VPS13B: variants seen among roughly 807,000 people sequenced by gnomAD.
VPS13B encodes the protein vacuolar protein sorting 13 homolog B.
In VPS13B, 285 loss-of-function variants were observed where a neutral mutation model predicts 426.4. The observed-to-expected ratio is 0.67, with a 90% confidence interval of 0.61 to 0.74. The LOEUF (loss-of-function observed/expected upper bound fraction) is 0.74, where lower values mean the gene tolerates loss of function less well. Among genes scored for constraint, VPS13B ranks in the 30% least tolerant of loss-of-function variants. The pLI, the probability that VPS13B is intolerant of heterozygous loss-of-function variation, is 0.00. For synonymous variants in VPS13B, 1,676 were observed against 1,676.4 expected, an observed-to-expected ratio of 1.00 and a Z score of 0.01; for missense variants, 4,537 against 4,782.6, an observed-to-expected ratio of 0.95 and a Z score of 1.51.
chr8:99,426,823 A>G (rs1459711379), intron 21 of VPS13B, among the ~76,000 whole-genome samples: 2 of 85,306 alleles, frequency 2.3e-5, no homozygotes, highest in Non-Finnish European at 4.3e-5. Context: ...GCCCTTTGTC[A>G]GATGAGTAGG....
chr8:99,565,846 C>T (rs1825150981), intron 31 of VPS13B, among the ~76,000 whole-genome samples: 1 of 152,142 alleles, frequency 6.6e-6, no homozygotes, highest in Non-Finnish European at 1.5e-5. Flanking sequence ...CACAGTGGCT[C>T]ATGCTGGGCA....
chr8:99,467,569 C>G lies in VPS13B; in HGVS notation c.3601C>G (p.His1201Asp), dbSNP rs775498032. Residue 1201 changes from histidine (H) to aspartate (D), a missense_variant, in exon 24 of 62, where the codon CAT (histidine) becomes GAT (aspartate). Coordinates refer to ENST00000357162, the MANE Select transcript of VPS13B (RefSeq NM_152564.5). ...GCTTGCTACGGGACCTGATACACGA[C>G]ATTCATTTGTTGTCTGTCTCCATGT... ...KLLATGPDTR[H>D]SFVVCLHVDL... is the part of the protein sequence containing the mutation. 1 of 1,613,816 alleles carries G rather than the reference C, an allele frequency of 6.2e-7. No homozygotes were observed. The highest frequency in any genetic ancestry group is 2.2e-5 in the East Asian group (1 of 44,872).
chr8:99,816,083 C>T (rs1263436297), intron 44 of VPS13B, among the ~76,000 whole-genome samples: 1 of 151,714 alleles, frequency 6.6e-6, no homozygotes, highest in African/African-American at 2.4e-5. Flanking sequence ...ACCAGGCCCC[C>T]CATTTGTTTT....
At chr8:99,505,525 G>A (rs953402066) in intron 27 of VPS13B, among the ~76,000 whole-genome samples, 1 of 152,096 alleles carries the variant, frequency 6.6e-6, no homozygotes, top group Non-Finnish European at 1.5e-5. Context: ...GGGGTCAGTG[G>A]AGCAATCAGA....
chr8:99,533,423 T>G (rs1182673669), intron 30 of VPS13B, among the ~76,000 whole-genome samples: 3 of 152,196 alleles, frequency 2.0e-5, no homozygotes, highest in Non-Finnish European at 4.4e-5. Context: ...CCAAATTCAT[T>G]TCTCTTGTTA....
At chr8:99,193,887 A>AT (rs1813745162) in intron 17 of VPS13B, among the ~76,000 whole-genome samples, 1 of 152,172 alleles carries the variant, frequency 6.6e-6, no homozygotes, top group South Asian at 2.1e-4. Context: ...CAAATTTCAG[A>AT]TTTTTTTCAG....
rs1200900461 is a variant in VPS13B, at chr8:99,661,390, G to T, written c.5945G>T (p.Cys1982Phe). The change falls in exon 35 of 62, where the codon TGC becomes TTC. Residue 1982 changes from cysteine (C) to phenylalanine (F), a missense_variant. Coordinates refer to ENST00000357162, the MANE Select transcript of VPS13B (RefSeq NM_152564.5). ...GKTLPEALDYCTVWLQTVPGE... is the reference protein window; with the variant it reads ...GKTLPEALDYFTVWLQTVPGE... ...ACTCTGCCTGAAGCCCTTGATTATTGCACTGTTTGGCTACAGACAGTGCCT... is the reference window on the plus strand; with the variant it reads ...ACTCTGCCTGAAGCCCTTGATTATTTCACTGTTTGGCTACAGACAGTGCCT... 1 of 1,613,666 alleles carries T rather than the reference G, an allele frequency of 6.2e-7. No homozygotes were observed. The highest frequency in any genetic ancestry group is 1.1e-5 in the South Asian group (1 of 91,078).
rs188955410 is a variant in VPS13B at position 99,018,283 on chromosome 8, C to T, written c.147+4348C>T. ...CGCCTGTAATCCCAGCTACTTGGGA[C>T]GCTGGGGCACAAGAATCACTTGAAC... On this transcript the variant is annotated intron_variant, in intron 2 of 61. Coordinates refer to ENST00000357162, the MANE Select transcript of VPS13B (RefSeq NM_152564.5). 6.4e-3 allele frequency among the ~76,000 whole-genome samples: 971 copies of T among 152,170 alleles called. 8 individuals are homozygous for T. The highest frequency in any genetic ancestry group is 0.022 in the African/African-American group (911 of 41,512).
chr8:99,520,737 A>G (rs1822340812), intron 29 of VPS13B, among the ~76,000 whole-genome samples, 162 bp from the exon 30 acceptor site: 1 of 152,134 alleles, frequency 6.6e-6, no homozygotes, highest in African/African-American at 2.4e-5. Context: ...GAAAAGCATC[A>G]AAGATTTTTA....
rs778258305 is a variant in VPS13B, at chr8:99,134,645, A to C, written c.1220A>C (p.Gln407Pro). ...ATVTFKLTEM[Q>P]VESSYYSPQK... ...TATATTTCTTAGCTCACAGAAATGC[A>C]AGTTGAGAGTAGTTATTACAGTCCA... is the stretch of plus-strand genomic sequence containing the variant. Residue 407 changes from glutamine to proline, a missense_variant, in exon 9 of 62, where the codon CAA becomes CCA. Physicochemically the swap from Gln to Pro is moderately conservative, Grantham distance 76 (BLOSUM62 -1). Around this residue, in one of 2 missense-constraint regions of VPS13B, gnomAD observed 4,311 missense variants for 4,474.3 expected, o/e 0.96. Coordinates refer to ENST00000357162, the MANE Select transcript of VPS13B (RefSeq NM_152564.5). 1 of 1,606,530 alleles carries C rather than the reference A, an allele frequency of 6.2e-7. No homozygotes were observed. Among genetic ancestry groups the C allele is most frequent in the Non-Finnish European group, 8.5e-7 (1 of 1,176,014 alleles).
chr8:99,496,759 A>G (rs956141835), intron 25 of VPS13B, among the ~76,000 whole-genome samples: 1 of 152,176 alleles, frequency 6.6e-6, no homozygotes, highest in Non-Finnish European at 1.5e-5. Context: ...CTTACAGGAT[A>G]CTTTCATAAC....
chr8:99,125,333 G>A (rs1472650079), intron 8 of VPS13B, among the ~76,000 whole-genome samples: 2 of 151,774 alleles, frequency 1.3e-5, no homozygotes, highest in African/African-American at 2.4e-5. Flanking sequence ...GATGAAGGCC[G>A]GAAGACTCAG....
chr8:99,277,775 A>C (rs1818973645), intron 19 of VPS13B, among the ~76,000 whole-genome samples: 1 of 152,182 alleles, frequency 6.6e-6, no homozygotes. Flanking sequence ...CTGCTATTAG[A>C]ATTTTATGCT....
At chr8:99,244,893 T>C (rs145551135) in intron 17 of VPS13B, among the ~76,000 whole-genome samples, 6 of 152,298 alleles carry the variant, frequency 3.9e-5, no homozygotes, top group African/African-American at 1.4e-4. Context: ...ATTTAAAATA[T>C]GTGTACATGT....
chr8:99,132,806 AGAG>A (rs1374192729), intron 8 of VPS13B, among the ~76,000 whole-genome samples: 1 of 152,166 alleles, frequency 6.6e-6, no homozygotes, highest in South Asian at 2.1e-4. Context: ...TAATATTTTA[AGAG>A]GAGTCCTTTT....
intron 16 of VPS13B, among the ~76,000 whole-genome samples, chr8:99,190,087 T>TA (rs1813470349): frequency 1.3e-5 from 2 of 152,288 alleles, no homozygotes; most frequent in Admixed American, 1.3e-4. Context: ...TTCTGTATTT[T>TA]AAAAAATGTA....
intron 1 of VPS13B, 64 bp from the exon 2 acceptor site, chr8:99,013,696 G>C (rs1841441548): frequency 6.6e-7 from 1 of 1,516,232 alleles, no homozygotes; most frequent in African/African-American, 1.4e-5. Flanking sequence ...TTCGGCCTGA[G>C]ATAACGAACG....
chr8:99,188,381 G>A (rs1318819643), intron 16 of VPS13B, among the ~76,000 whole-genome samples: 2 of 151,934 alleles, frequency 1.3e-5, no homozygotes, highest in Admixed American at 1.3e-4. Flanking sequence ...TATTTTAAAG[G>A]TTCATCCATG....
At chr8:99,088,467 G>A (rs892557087) in intron 3 of VPS13B, among the ~76,000 whole-genome samples, 1 of 152,146 alleles carries the variant, frequency 6.6e-6, no homozygotes, top group Admixed American at 6.6e-5. Context: ...AAGGACAGAG[G>A]ATTTTGGGGG....
Sources: gnomAD v4.1 joint callset for allele counts (sites outside exome capture counted in the v4.1 genomes callset) on GRCh38, gnomAD v4.1.1 for gene constraint, gnomAD v4.1.1 regional missense constraint, MANE v1.5 for transcripts, NCBI Gene and HGNC (gene_info 2026-07-23, HGNC 2026-07-21) for gene names.